Variants in TENT2 observed in about 807,000 individuals in gnomAD.
The protein encoded by TENT2 is poly(A) RNA polymerase GLD2.
TENT2 carries 44 observed loss-of-function variants against 72.2 expected under a neutral mutation model. The observed-to-expected ratio is 0.61, with a 90% CI of 0.48 to 0.78. The LOEUF (loss-of-function observed/expected upper bound fraction) is 0.78. TENT2 is among the 30% of genes least tolerant of loss of function. The pLI is 0.00. For synonymous variants in TENT2, 212 were observed against 192.5 expected, an observed-to-expected ratio of 1.10 and a Z score of -0.84; for missense variants, 541 against 569.6, an observed-to-expected ratio of 0.95 and a Z score of 0.51.
chr5:79,674,757 A>G (rs185771940), intron 12 of TENT2, among the ~76,000 whole-genome samples: 4 of 152,296 alleles, frequency 2.6e-5, no homozygotes, highest in Admixed American at 6.5e-5. Context: ...TAATACATAG[A>G]TGATATAAAA....
chr5:79,669,693 A>G (rs1251761418), intron 12 of TENT2, among the ~76,000 whole-genome samples: 1 of 152,082 alleles, frequency 6.6e-6, no homozygotes, highest in African/African-American at 2.4e-5. Flanking sequence ...AGGTACAGTT[A>G]CCATTGGATA....
At chr5:79,637,198 T>C (rs1304172576) in intron 4 of TENT2, among the ~76,000 whole-genome samples, 1 of 151,660 alleles carries the variant, frequency 6.6e-6, no homozygotes, top group Non-Finnish European at 1.5e-5. Flanking sequence ...GACATTGCAC[T>C]CTAGTCTGGG....
intron 14 of TENT2, among the ~76,000 whole-genome samples, chr5:79,683,064 G>A (rs1006526786): frequency 6.6e-6 from 1 of 151,926 alleles, no homozygotes; most frequent in Non-Finnish European, 1.5e-5. Context: ...AGTATCACTG[G>A]AACCAGGAGT....
At chr5:79,640,476 T>G (rs1783605312) in intron 4 of TENT2, among the ~76,000 whole-genome samples, 1 of 152,190 alleles carries the variant, frequency 6.6e-6, no homozygotes, top group Non-Finnish European at 1.5e-5. Flanking sequence ...TCACATATTG[T>G]TTGTTGCATA....
intron 8 of TENT2, among the ~76,000 whole-genome samples, chr5:79,648,356 G>A (rs62365186): frequency 0.2 from 30,864 of 151,922 alleles, 4,619 homozygotes; most frequent in African/African-American, 0.42. Context: ...GGTAATTGGA[G>A]CCTTAGCAGT....
intron 4 of TENT2, among the ~76,000 whole-genome samples, chr5:79,630,116 CAG>C (rs1774072989): frequency 6.6e-6 from 1 of 152,090 alleles, no homozygotes; most frequent in Admixed American, 6.5e-5. Flanking sequence ...GCCTGGGTGA[CAG>C]AGCAGGACTC....
At chr5:79,633,826 A>G (rs1777727504) in intron 4 of TENT2, among the ~76,000 whole-genome samples, 1 of 150,900 alleles carries the variant, frequency 6.6e-6, no homozygotes, top group Non-Finnish European at 1.5e-5. Flanking sequence ...AGTGTTAAAT[A>G]CCATGTGAGA....
chr5:79,643,680 T>C (rs369439639), intron 7 of TENT2, among the ~76,000 whole-genome samples: 1 of 152,222 alleles, frequency 6.6e-6, no homozygotes, highest in East Asian at 1.9e-4. Context: ...GTGGACCTTC[T>C]GCATTCTGAA....
intron 12 of TENT2, among the ~76,000 whole-genome samples, chr5:79,678,891 CTTTCT>C (rs201529417): frequency 0.029 from 4,392 of 152,034 alleles, 94 homozygotes; most frequent in Non-Finnish European, 0.044. Flanking sequence ...TTTACTTGTA[CTTTCT>C]TTTCTTTTCT....
At chr5:79,635,679 G>A (rs1036618342) in intron 4 of TENT2, among the ~76,000 whole-genome samples, 2 of 151,888 alleles carry the variant, frequency 1.3e-5, no homozygotes, top group Admixed American at 6.6e-5. Flanking sequence ...CTCAGCCTCC[G>A]GAGTAGCTGA....
intron 10 of TENT2, among the ~76,000 whole-genome samples, chr5:79,652,542 CAA>C (rs1241183560): frequency 2.0e-5 from 3 of 151,914 alleles, no homozygotes; most frequent in Non-Finnish European, 4.4e-5. Context: ...ATGCTGGTCT[CAA>C]ATGATTTTTT....
chr5:79,644,204 A>G (rs969584980), intron 7 of TENT2, among the ~76,000 whole-genome samples: 10 of 151,508 alleles, frequency 6.6e-5, no homozygotes, highest in Admixed American at 2.6e-4. Flanking sequence ...CTGGTCTTGA[A>G]CTCCTGGCCT....
At chr5:79,638,985 A>G (rs937868640) in intron 4 of TENT2, among the ~76,000 whole-genome samples, 11 of 152,244 alleles carry the variant, frequency 7.2e-5, no homozygotes, top group Non-Finnish European at 1.5e-4. Flanking sequence ...CTTTTGCCTC[A>G]TTATGGACTA....
At chr5:79,655,046 A>G (rs934890677) in intron 10 of TENT2, among the ~76,000 whole-genome samples, 10 of 152,156 alleles carry the variant, frequency 6.6e-5, no homozygotes, top group Non-Finnish European at 1.3e-4. Flanking sequence ...TGAGAGAGAA[A>G]TTTAAAAGAC....
chr5:79,623,325 A>T lies in TENT2; in HGVS notation c.301A>T (p.Thr101Ser). The change falls in exon 4 of 15, where the codon ACT becomes TCT. Residue 101 changes from threonine to serine, a missense_variant. Transcript: ENST00000453514. ...TTTCCATTCACCCCACCAAGAGCCA[A>T]CTGTAGTTAACCAGATAGTGCCTTT... ...QRFHSPHQEP[T>S]VVNQIVPLSG... The T allele has an allele frequency of 6.2e-7, 1 of 1,613,714 alleles. No individual in the cohort carries two copies. The highest frequency in any genetic ancestry group is 1.7e-5 in the Admixed American group (1 of 59,968).
intron 12 of TENT2, among the ~76,000 whole-genome samples, chr5:79,671,595 G>C (rs1192047546): frequency 6.6e-6 from 1 of 151,840 alleles, no homozygotes. Flanking sequence ...TTTTAGTAGA[G>C]ATGGGGTTTC....
Position 79,614,672 on chromosome 5 carries a change from C to T in TENT2, c.-38+1597C>T, listed in dbSNP as rs988665714. On this transcript the variant is annotated intron_variant, in intron 1 of 14. Coordinates refer to ENST00000453514, the MANE Select transcript of TENT2 (RefSeq NM_001114394.3). The stretch of plus-strand genomic sequence containing the variant: ...TAATGTGGAGTAACGTTTTATATAG[C>T]TAATCTCTACTTAAGAAACCTTTCA... Among the ~76,000 whole-genome samples the T allele has an allele frequency of 2.6e-5, 4 of 152,094 alleles. No homozygotes were observed. The South Asian group carries it at 6.2e-4, about 24-fold the overall frequency.
chr5:79,634,622 A>G (rs946015185), intron 4 of TENT2, among the ~76,000 whole-genome samples: 8 of 152,154 alleles, frequency 5.3e-5, no homozygotes, highest in African/African-American at 1.7e-4. Flanking sequence ...TTCAGATGTG[A>G]GCCACTGCGC....
intron 11 of TENT2, among the ~76,000 whole-genome samples, chr5:79,662,520 G>A (rs776883108): frequency 3.3e-5 from 5 of 152,220 alleles, no homozygotes; most frequent in Admixed American, 6.5e-5. Context: ...TCCTTGATCC[G>A]TGGGCTGTAG....
Sources: gnomAD v4.1 joint callset for allele counts (sites outside exome capture counted in the v4.1 genomes callset) on GRCh38, gnomAD v4.1.1 for gene constraint, MANE v1.5 for transcripts, NCBI Gene and HGNC (gene_info 2026-07-23, HGNC 2026-07-21) for gene names.